The following RCC1L variants were observed in gnomAD, a reference collection of about 807,000 sequenced individuals.
The protein encoded by RCC1L is RCC1-like G exchanging factor-like protein.
A neutral mutation model predicts 58.6 loss-of-function variants in RCC1L; 46 were observed. The ratio of observed to expected loss-of-function variants is 0.79; its 90% CI spans 0.62 to 1.00. The LOEUF (loss-of-function observed/expected upper bound fraction) is 1.00, where lower values mean the gene tolerates loss of function less well. Among genes scored for constraint, RCC1L ranks in the 50% least tolerant of loss-of-function variants. RCC1L has a pLI of 0.00. For synonymous variants in RCC1L, 281 were observed against 262.9 expected (o/e 1.07, Z -0.67); for missense variants, 636 against 623.6 (o/e 1.02, Z -0.21).
Position 75,058,627 on chromosome 7 carries a change from C to G in RCC1L, c.930G>C (p.Ser310=). The change falls in exon 7 of 11, where the codon TCG becomes TCC. Residue 310 remains serine, a synonymous_variant. Coordinates refer to ENST00000610322, the MANE Select transcript of RCC1L (RefSeq NM_030798.5). ...ADGGLFGWGN[S]EYLQLASVTD... is the part of the protein sequence containing the mutation. Reference sequence around the variant, plus strand: ...TGACAGAGGCCAGCTGCAGGTACTCCGAGTTTCCCCAACCAAAAAGTCCTC... The same window carrying G: ...TGACAGAGGCCAGCTGCAGGTACTCGGAGTTTCCCCAACCAAAAAGTCCTC... 1 of 1,612,178 alleles carries G rather than the reference C, an allele frequency of 6.2e-7. No homozygotes were observed. The highest frequency in any genetic ancestry group is 8.5e-7 in the Non-Finnish European group (1 of 1,179,052).
exon 11 of RCC1L, chr7:75,027,804 A>G: frequency 3.4e-6 from 2 of 596,444 alleles, no homozygotes; most frequent in South Asian, 1.9e-5. Flanking sequence ...TTCTGTGTGT[A>G]GCGTAGTCTT....
intron 9 of RCC1L, 188 bp downstream of exon 9, chr7:75,055,713 G>C (rs1806054479): frequency 1.0e-5 from 7 of 677,778 alleles, no homozygotes; most frequent in Non-Finnish European, 1.5e-5. Context: ...ACTCCAGGGG[G>C]GGAAAACAAG....
rs1355361994 is a variant in RCC1L, at chr7:75,073,396, G to A, written c.324+18C>T. On this transcript the variant is annotated intron_variant, in intron 1 of 10. Transcript: ENST00000610322. ...CGGAAGAGAGAGAAGGAGAGAAGGA[G>A]GAAGCCGCGGCCTGCACCTTTTGGT... 2.2e-5 allele frequency: 24 copies of A among 1,111,650 alleles called. No individual in the cohort carries two copies. The highest frequency in any genetic ancestry group is 6.4e-5 in the East Asian group (2 of 31,246). 68.9% of individuals were successfully genotyped at this position (1,111,650 alleles called of 1,614,324 possible).
At chr7:75,040,505 G>A (rs1056499767), downstream of RCC1L, among the ~76,000 whole-genome samples, 6 of 152,036 alleles carry the variant, frequency 3.9e-5, no homozygotes, top group Non-Finnish European at 7.4e-5. Context: ...TATCTTGGTT[G>A]CCATTAGGGT....
At chr7:75,045,344 T>C (rs1805688423) in intron 10 of RCC1L, among the ~76,000 whole-genome samples, 1 of 151,516 alleles carries the variant, frequency 6.6e-6, no homozygotes, top group Non-Finnish European at 1.5e-5. Context: ...TATGCTCAGC[T>C]TATTTTTGTA....
chr7:75,048,263 C>T (rs1454373445), intron 10 of RCC1L, among the ~76,000 whole-genome samples: 6 of 71,596 alleles, frequency 8.4e-5, no homozygotes, highest in Non-Finnish European at 1.6e-4. Context: ...CAGGACATCG[C>T]CTCAAAAAAA....
At chr7:75,043,937 C>T (rs1584489153) in intron 10 of RCC1L, among the ~76,000 whole-genome samples, 1 of 152,304 alleles carries the variant, frequency 6.6e-6, no homozygotes, top group East Asian at 1.9e-4. Context: ...AGGCAGGCTG[C>T]GTCCCAAGTC....
chr7:75,073,552 G>A lies in RCC1L; in HGVS notation c.186C>T (p.Phe62=). The A allele has an allele frequency of 1.3e-6, 2 of 1,502,858 alleles. No homozygotes were observed. The highest frequency in any genetic ancestry group is 1.8e-6 in the Non-Finnish European group (2 of 1,133,720). The allele number at this position is 1,502,858 out of a possible 1,614,324, so 93.1% of individuals were successfully genotyped here. ...CCCCCGAGAAGCTGAAGCCCCACACGAAGACGCGATCGGCGCGGGCAGCGC... is the reference window on the plus strand; with the variant it reads ...CCCCCGAGAAGCTGAAGCCCCACACAAAGACGCGATCGGCGCGGGCAGCGC... The part of the protein sequence containing the change: ...GERAARADRV[F]VWGFSFSGAL... The change falls in exon 1 of 11, where the codon TTC becomes TTT. Residue 62 remains phenylalanine, a synonymous_variant. Coordinates refer to ENST00000610322, the MANE Select transcript of RCC1L (RefSeq NM_030798.5).
intron 10 of RCC1L, among the ~76,000 whole-genome samples, chr7:75,031,290 C>T (rs1805296578): frequency 6.6e-6 from 1 of 152,136 alleles, no homozygotes; most frequent in Admixed American, 6.5e-5. Context: ...ACCTGGCGTG[C>T]CCGGGTCACC....
chr7:75,059,268 T>C (rs1218264634), intron 6 of RCC1L, among the ~76,000 whole-genome samples: 3 of 141,636 alleles, frequency 2.1e-5, no homozygotes, highest in Non-Finnish European at 4.7e-5. Context: ...CTCATACAAC[T>C]TTTTTTTTTT....
At chr7:75,066,837 C>G in intron 2 of RCC1L, 45 bp from the exon 3 acceptor site, 1 of 1,575,734 alleles carries the variant, frequency 6.3e-7, no homozygotes, top group Non-Finnish European at 8.6e-7. Context: ...ATTTCTACCA[C>G]TGGAAATCAT....
At chr7:75,063,789 G>A (rs1368405570) in intron 4 of RCC1L, among the ~76,000 whole-genome samples, 5 of 151,930 alleles carry the variant, frequency 3.3e-5, no homozygotes, top group African/African-American at 7.3e-5. Flanking sequence ...GTGCGGTGGC[G>A]GACGCCTGTA....
At chr7:75,061,925 C>T (rs1806289105) in intron 5 of RCC1L, among the ~76,000 whole-genome samples, 1 of 152,208 alleles carries the variant, frequency 6.6e-6, no homozygotes, top group African/African-American at 2.4e-5. Context: ...CAGTGACTCA[C>T]TCCTGTAATC....
intron 10 of RCC1L, among the ~76,000 whole-genome samples, chr7:75,031,493 A>G (rs1297763527): frequency 1.3e-5 from 2 of 151,448 alleles, no homozygotes; most frequent in African/African-American, 2.4e-5. Context: ...TATATTTTGT[A>G]CTTTGTAAAG....
intron 1 of RCC1L, among the ~76,000 whole-genome samples, 195 bp downstream of exon 1, chr7:75,073,219 G>C (rs1806830836): frequency 6.6e-6 from 1 of 152,196 alleles, no homozygotes; most frequent in Non-Finnish European, 1.5e-5. Context: ...ACAACATCTG[G>C]CACTGCCACC....
downstream of RCC1L, among the ~76,000 whole-genome samples, chr7:75,041,757 G>A (rs1042481602): frequency 1.3e-5 from 2 of 151,626 alleles, no homozygotes; most frequent in Non-Finnish European, 2.9e-5. Flanking sequence ...GCAGCTACTC[G>A]GGAGGCTGAG....
Position 75,042,571 on chromosome 7 carries a change from C to T in RCC1L, c.*461G>A, listed in dbSNP as rs1453804856. On this transcript the variant is annotated 3_prime_UTR_variant, in exon 11 of 11. Transcript: ENST00000610322. ...GGTGGCCTGAATGAAAACCGAGGGC[C>T]GAAGCCAGCCTGACTCCCTCGCCTA... The T allele has an allele frequency of 9.0e-6, 9 of 1,000,794 alleles. No individual in the cohort carries two copies. Among genetic ancestry groups the T allele is most frequent in the Admixed American group, 5.3e-5 (1 of 18,898 alleles). 62.0% of individuals were successfully genotyped at this position (1,000,794 alleles called of 1,614,324 possible). A position where few individuals can be genotyped will look rare whatever the true frequency, so the allele number is the denominator to read the frequency against.
At chr7:75,066,447 T>C (rs990940136) in intron 3 of RCC1L, among the ~76,000 whole-genome samples, 14 of 151,924 alleles carry the variant, frequency 9.2e-5, no homozygotes, top group Non-Finnish European at 1.6e-4. Flanking sequence ...GAGCGAGACT[T>C]CATCTCAAAA....
At chr7:75,066,353 C>T (rs1584503485) in intron 3 of RCC1L, among the ~76,000 whole-genome samples, 1 of 152,010 alleles carries the variant, frequency 6.6e-6, no homozygotes, top group East Asian at 1.9e-4. Context: ...ACTCAGGAGG[C>T]TGAGGCAGGA....
Sources: allele counts gnomAD v4.1 joint callset (sites outside exome capture counted in the v4.1 genomes callset), GRCh38; gene constraint gnomAD v4.1.1; transcripts MANE v1.5; gene names NCBI Gene and HGNC (gene_info 2026-07-23, HGNC 2026-07-21).